SOS1: variants seen among roughly 807,000 people sequenced by gnomAD.
SOS1 encodes SOS Ras/Rac guanine nucleotide exchange factor 1, also known as son of sevenless homolog 1.
A neutral mutation model predicts 157.6 loss-of-function variants in SOS1; 25 were observed. The observed-to-expected ratio is 0.16, with a 90% CI of 0.12 to 0.22. SOS1 has a LOEUF of 0.22. SOS1 is among the 10% of genes least tolerant of loss of function. The probability of loss-of-function intolerance (pLI) is 1.00; values close to 1 mark genes in which losing one functional copy is unlikely to be tolerated. For synonymous variants in SOS1, 528 were observed against 534.0 expected, an observed-to-expected ratio of 0.99 and a Z score of 0.16; for missense variants, 1,237 against 1,599.1, an observed-to-expected ratio of 0.77 and a Z score of 3.86.
At chr2:39,022,531 C>G in intron 10 of SOS1, 39 bp downstream of exon 10, 1 of 1,529,106 alleles carries the variant, frequency 6.5e-7, no homozygotes, top group Non-Finnish European at 9.1e-7. Flanking sequence ...CAGTTTGAAG[C>G]AGGAAAACAA....
At position 38,995,166 on chromosome 2, in the gene SOS1, A is replaced by G. The variant is rs397517165; in HGVS notation, c.3303T>C (p.Val1101=). Residue 1101 remains valine, a synonymous_variant, in exon 20 of 23, where the codon GTT becomes GTC. Coordinates refer to ENST00000402219, the MANE Select transcript of SOS1 (RefSeq NM_005633.4). The stretch of plus-strand genomic sequence containing the variant: ...AATGATCGGAATCAAATACACTGCA[A>G]ACATCTGTGGTACTGGAAGCACCAG... ...PASGASSTTD[V]CSVFDSDHSS... 2 of 1,613,942 alleles carry G rather than the reference A, an allele frequency of 1.2e-6. No individual in the cohort carries two copies. The highest frequency in any genetic ancestry group is 1.3e-5 in the African/African-American group (1 of 74,918).
At chr2:39,002,703 A>G (rs1462432783) in intron 17 of SOS1, among the ~76,000 whole-genome samples, 2 of 152,198 alleles carry the variant, frequency 1.3e-5, no homozygotes, top group East Asian at 3.8e-4. Context: ...ATCTTTAAGC[A>G]AAAACATATA....
At chr2:39,007,469 C>G in intron 15 of SOS1, 1 of 397,408 alleles carries the variant, frequency 2.5e-6, no homozygotes, top group Non-Finnish European at 4.6e-6. Context: ...ACTGGTGAGG[C>G]CACTATCTTG....
intron 8 of SOS1, among the ~76,000 whole-genome samples, chr2:39,031,869 AG>A (rs1408311672): frequency 6.6e-6 from 1 of 152,234 alleles, no homozygotes; most frequent in Non-Finnish European, 1.5e-5. Context: ...AAGGGCACAA[AG>A]GAAGTTTTTT....
At chr2:39,116,888 G>A (rs947967897) in intron 1 of SOS1, among the ~76,000 whole-genome samples, 21 of 151,874 alleles carry the variant, frequency 1.4e-4, no homozygotes, top group African/African-American at 5.1e-4. Context: ...CTTTATCAAT[G>A]GCTTCTAATT....
At chr2:39,080,107 A>G (rs547300058) in intron 1 of SOS1, among the ~76,000 whole-genome samples, 2 of 152,176 alleles carry the variant, frequency 1.3e-5, no homozygotes, top group South Asian at 4.1e-4. Flanking sequence ...ATATAATAAA[A>G]TAATTATACA....
intron 21 of SOS1, among the ~76,000 whole-genome samples, chr2:38,988,332 C>A (rs908960071): frequency 3.3e-5 from 5 of 152,000 alleles, no homozygotes; most frequent in Non-Finnish European, 5.9e-5. Context: ...AGTAAAGCTA[C>A]TAATTAGAAC....
chr2:39,021,525 GAAAA>G (rs70954777), intron 10 of SOS1, among the ~76,000 whole-genome samples: 7 of 104,688 alleles, frequency 6.7e-5, no homozygotes, highest in Non-Finnish European at 1.0e-4. Context: ...TGCTCTACAG[GAAAA>G]AAAAAAAAAA....
chr2:39,015,329 A>G (rs1409257954), intron 10 of SOS1, among the ~76,000 whole-genome samples: 1 of 152,040 alleles, frequency 6.6e-6, no homozygotes, highest in East Asian at 1.9e-4. Context: ...TGGAACTTAT[A>G]AAGTAGTAGC....
chr2:39,053,374 CT>C (rs1671090113), intron 5 of SOS1, among the ~76,000 whole-genome samples: 1 of 152,076 alleles, frequency 6.6e-6, no homozygotes, highest in Non-Finnish European at 1.5e-5. Flanking sequence ...TGTTGAACAC[CT>C]TTTGATGTGC....
chr2:39,007,536 T>A (rs1669320019), intron 15 of SOS1: 1 of 226,006 alleles, frequency 4.4e-6, no homozygotes, highest in African/African-American at 2.3e-5. Context: ...TCTAGTAGAA[T>A]TCAAGAATTC....
Position 38,983,133 on chromosome 2 carries a change from G to C in SOS1, c.*2691C>G, listed in dbSNP as rs1668450952. The C allele has an allele frequency of 6.6e-6, 1 of 152,168 alleles. No individual in the cohort carries two copies. Among genetic ancestry groups the C allele is most frequent in the African/African-American group, 2.4e-5 (1 of 41,436 alleles). The allele number at this position is 152,168 out of a possible 1,614,324, so 9.4% of individuals were successfully genotyped here. A position where few individuals can be genotyped will look rare whatever the true frequency, so the allele number is the denominator to read the frequency against. On this transcript the variant is annotated 3_prime_UTR_variant, in exon 23 of 23. Coordinates refer to ENST00000402219, the MANE Select transcript of SOS1 (RefSeq NM_005633.4). ...AAAGAAATGTTCCACATTTTGGAAT[G>C]TGGTTAACAAAAAGTCATGCTGCAT...
At chr2:39,030,204 G>A (rs1266937925) in intron 8 of SOS1, among the ~76,000 whole-genome samples, 1 of 122,476 alleles carries the variant, frequency 8.2e-6, no homozygotes, top group African/African-American at 3.1e-5. Context: ...ATAAGATCAG[G>A]ATGAAATGAT....
chr2:39,081,879 C>T (rs1320016446), intron 1 of SOS1, among the ~76,000 whole-genome samples: 1 of 151,674 alleles, frequency 6.6e-6, no homozygotes, highest in Non-Finnish European at 1.5e-5. Flanking sequence ...TTTATAAAAA[C>T]TTGCTTATTC....
chr2:39,072,736 AATAACACGTG>A (rs1671830870), intron 1 of SOS1, among the ~76,000 whole-genome samples: 1 of 152,214 alleles, frequency 6.6e-6, no homozygotes, highest in Non-Finnish European at 1.5e-5. Context: ...TTAAACAGAA[AATAACACGTG>A]ATGCCAACTG....
At chr2:39,111,579 C>G (rs1673436875) in intron 1 of SOS1, among the ~76,000 whole-genome samples, 1 of 152,120 alleles carries the variant, frequency 6.6e-6, no homozygotes, top group African/African-American at 2.4e-5. Context: ...ACTTCTGGAC[C>G]TTCCTGCCAC....
chr2:39,124,843 A>G (rs1319179347), upstream of SOS1, among the ~76,000 whole-genome samples: 1 of 151,860 alleles, frequency 6.6e-6, no homozygotes, highest in Non-Finnish European at 1.5e-5. Context: ...TGCTATTCAG[A>G]ATGCCTGTCG....
At chr2:38,997,190 G>T in intron 18 of SOS1, 63 bp downstream of exon 18, 1 of 1,334,450 alleles carries the variant, frequency 7.5e-7, no homozygotes, top group Non-Finnish European at 1.1e-6. Context: ...AAATAAACCT[G>T]CCTTTTATTA....
rs779934906 is a variant in SOS1 at position 39,007,154 on chromosome 2, A to G, written c.2550T>C (p.Ala850=). The part of the protein sequence containing the change: ...VETENLEERV[A]VVSRIIEILQ... ...GAATCTCAATAATTCGACTCACCACAGCTACTCTTTCTTCTAAATTTTCAG... is the reference window on the plus strand; with the variant it reads ...GAATCTCAATAATTCGACTCACCACGGCTACTCTTTCTTCTAAATTTTCAG... Residue 850 remains alanine, a synonymous_variant, in exon 16 of 23, where the codon GCT becomes GCC. Coordinates refer to ENST00000402219, the MANE Select transcript of SOS1 (RefSeq NM_005633.4). The G allele has an allele frequency of 1.2e-6, 2 of 1,606,030 alleles. No individual in the cohort carries two copies. Among genetic ancestry groups the G allele is most frequent in the South Asian group, 1.1e-5 (1 of 90,884 alleles).
Sources: allele counts gnomAD v4.1 joint callset (sites outside exome capture counted in the v4.1 genomes callset), GRCh38; gene constraint gnomAD v4.1.1; transcripts MANE v1.5; gene names NCBI Gene and HGNC (gene_info 2026-07-23, HGNC 2026-07-21).